Variants in TAOK3 observed in about 807,000 individuals in gnomAD.
TAOK3 encodes TAO kinase 3.
Under a neutral mutation model 120.4 loss-of-function variants are expected in TAOK3, and 40 were observed. That is an observed-to-expected ratio of 0.33 (90% CI 0.26 to 0.43). TAOK3 has a LOEUF of 0.43. Ranked by LOEUF, TAOK3 falls within the 20% of genes least tolerant of loss-of-function variation. The pLI, the probability that TAOK3 is intolerant of heterozygous loss-of-function variation, is 1.00. For missense variants in TAOK3, 821 were observed against 1,112.1 expected, an observed-to-expected ratio of 0.74 and a Z score of 3.72; for synonymous variants, 355 against 387.5, an observed-to-expected ratio of 0.92 and a Z score of 0.99.
intron 1 of TAOK3, among the ~76,000 whole-genome samples, chr12:118,312,723 G>C (rs1399437695): frequency 6.6e-6 from 1 of 152,170 alleles, no homozygotes; most frequent in Non-Finnish European, 1.5e-5. Context: ...AAACAGGAGA[G>C]TATCACTTCT....
chr12:118,237,558 C>T (rs1381898555), intron 7 of TAOK3, among the ~76,000 whole-genome samples: 1 of 152,004 alleles, frequency 6.6e-6, no homozygotes, highest in East Asian at 1.9e-4. Context: ...AAACTCTGGG[C>T]AAGTTAAGTC....
intron 1 of TAOK3, among the ~76,000 whole-genome samples, chr12:118,340,910 G>A (rs149910970): frequency 1.3e-5 from 2 of 151,828 alleles, no homozygotes; most frequent in Middle Eastern, 3.4e-3. Context: ...ACCACTGCAC[G>A]ACAGCCTGGG....
intron 1 of TAOK3, among the ~76,000 whole-genome samples, chr12:118,275,649 A>G (rs1020513189): frequency 2.0e-5 from 3 of 152,198 alleles, no homozygotes; most frequent in African/African-American, 7.2e-5. Context: ...TTCATGTATC[A>G]TTCATTTGGC....
chr12:118,199,063 G>C lies in TAOK3; in HGVS notation c.1182C>G (p.Val394=). ...CCAAGAAACCTACTTTCTTATGCAC[G>C]ACGGAGGAGCTGGAATTGATTGTGC... ...DESTINSSSS[V]VHKKDHVFIR... is the part of the protein sequence containing the mutation. The change falls in exon 13 of 21, where the codon GTC becomes GTG. Residue 394 remains valine (V), a synonymous_variant. Transcript: ENST00000392533. 6.2e-7 allele frequency: 1 copy of C among 1,614,118 alleles called. No individual in the cohort carries two copies. Among genetic ancestry groups the C allele is most frequent in the Non-Finnish European group, 8.5e-7 (1 of 1,180,016 alleles).
intron 1 of TAOK3, among the ~76,000 whole-genome samples, chr12:118,267,057 A>G (rs2041478914): frequency 1.3e-5 from 2 of 152,174 alleles, no homozygotes; most frequent in East Asian, 1.9e-4. Flanking sequence ...AGACAGCACT[A>G]ATCTGACAGC....
intron 15 of TAOK3, among the ~76,000 whole-genome samples, chr12:118,180,250 T>C (rs1411754459): frequency 6.9e-6 from 1 of 144,466 alleles, no homozygotes; most frequent in Non-Finnish European, 1.5e-5. Flanking sequence ...GCCTGGCCTT[T>C]TTTTTTTTGA....
At chr12:118,315,162 T>C (rs1333796435) in intron 1 of TAOK3, among the ~76,000 whole-genome samples, 2 of 152,116 alleles carry the variant, frequency 1.3e-5, no homozygotes, top group African/African-American at 4.8e-5. Flanking sequence ...TGACCTCAAG[T>C]GATCTGCCCG....
chr12:118,222,894 C>CA (rs2039305540), intron 9 of TAOK3, among the ~76,000 whole-genome samples: 1 of 151,276 alleles, frequency 6.6e-6, no homozygotes, highest in East Asian at 1.9e-4. Context: ...TCCATGTAAA[C>CA]AAAAAAACAC....
intron 2 of TAOK3, among the ~76,000 whole-genome samples, chr12:118,266,269 C>T (rs187820538): frequency 2.0e-5 from 3 of 152,056 alleles, no homozygotes; most frequent in Admixed American, 2.0e-4. Context: ...CTCGGCTCAC[C>T]GCAACCTCTG....
At chr12:118,233,130 T>C (rs2039856976) in intron 9 of TAOK3, among the ~76,000 whole-genome samples, 1 of 151,696 alleles carries the variant, frequency 6.6e-6, no homozygotes, top group Non-Finnish European at 1.5e-5. Context: ...GAAACCATCA[T>C]TCTCAGCAAA....
Position 118,162,468 on chromosome 12 carries a change from A to C in TAOK3, c.1900-441T>G, listed in dbSNP as rs530995958. ...TTGAATCTCACAGGGTGAAATTCTT[A>C]TAACTGTCTGGGGTGGGAGCCTGAT... is the stretch of plus-strand genomic sequence containing the variant. On this transcript the variant is annotated intron_variant, in intron 17 of 20. Coordinates refer to ENST00000392533, the MANE Select transcript of TAOK3 (RefSeq NM_016281.4). Among the ~76,000 whole-genome samples the C allele has an allele frequency of 7.2e-5, 11 of 152,272 alleles. No individual in the cohort carries two copies. The South Asian group carries it at 8.3e-4, about 11-fold the overall frequency.
At chr12:118,254,946 T>C (rs1360045546) in intron 3 of TAOK3, among the ~76,000 whole-genome samples, 1 of 151,944 alleles carries the variant, frequency 6.6e-6, no homozygotes, top group Non-Finnish European at 1.5e-5. Flanking sequence ...GTATTTTTAG[T>C]AGAGACGGGG....
At chr12:118,292,672 G>T (rs2042529995) in intron 1 of TAOK3, among the ~76,000 whole-genome samples, 1 of 152,220 alleles carries the variant, frequency 6.6e-6, no homozygotes, top group African/African-American at 2.4e-5. Flanking sequence ...ATAGCTTTCA[G>T]TTAAATCATG....
Position 118,239,226 on chromosome 12 carries a change from C to T in TAOK3, c.340+1G>A. ...GGAGAGTTTAATTCCTTCTTTCTTA[C>T]CTTCTAATAAATCAGAGGCTGAGCC... On this transcript the variant is annotated splice_donor_variant, in intron 6 of 20. Coordinates refer to ENST00000392533, the MANE Select transcript of TAOK3 (RefSeq NM_016281.4). LOFTEE classifies it high-confidence loss of function. The T allele has an allele frequency of 6.5e-7, 1 of 1,529,412 alleles. No homozygotes were observed. Among genetic ancestry groups the T allele is most frequent in the Non-Finnish European group, 9.1e-7 (1 of 1,103,758 alleles). The allele number at this position is 1,529,412 out of a possible 1,614,324, so 94.7% of individuals were successfully genotyped here.
At chr12:118,346,931 C>A (rs1262042376) in intron 1 of TAOK3, among the ~76,000 whole-genome samples, 1 of 152,144 alleles carries the variant, frequency 6.6e-6, no homozygotes, top group Non-Finnish European at 1.5e-5. Context: ...TTAAAAATTT[C>A]TCTGTATATG....
rs537861839 is a variant in TAOK3, at chr12:118,235,701, T to C, written c.438-30A>G. On this transcript the variant is annotated intron_variant, in intron 7 of 20. Transcript: ENST00000392533. ...AGGAAAAAAAAAAAGGGTTAGAAAA[T>C]TACTTTTCAATTTTGATTATGGAAT... 47 of 1,461,402 alleles carry C rather than the reference T, an allele frequency of 3.2e-5. No individual in the cohort carries two copies. In the South Asian group the frequency reaches 4.9e-4, roughly 15 times the overall value. The allele number at this position is 1,461,402 out of a possible 1,614,324, so 90.5% of individuals were successfully genotyped here.
intron 1 of TAOK3, among the ~76,000 whole-genome samples, chr12:118,281,396 C>T (rs972405753): frequency 6.6e-6 from 1 of 152,054 alleles, no homozygotes; most frequent in Non-Finnish European, 1.5e-5. Flanking sequence ...TCAAGGATGC[C>T]TATGGACACC....
At chr12:118,233,845 GTTCT>G in intron 8 of TAOK3, 80 bp from the exon 9 acceptor site, 1 of 851,784 alleles carries the variant, frequency 1.2e-6, no homozygotes, top group Non-Finnish European at 1.9e-6. Flanking sequence ...TGAAATAGCT[GTTCT>G]TAAGGGTATT....
intron 1 of TAOK3, among the ~76,000 whole-genome samples, chr12:118,291,819 A>C (rs2042494071): frequency 6.6e-6 from 1 of 152,002 alleles, no homozygotes; most frequent in East Asian, 1.9e-4. Flanking sequence ...GAAATGAAAA[A>C]AAATTTTTTT....
Sources: allele counts gnomAD v4.1 joint callset (sites outside exome capture counted in the v4.1 genomes callset), GRCh38; gene constraint gnomAD v4.1.1; transcripts MANE v1.5; gene names NCBI Gene and HGNC (gene_info 2026-07-23, HGNC 2026-07-21).